The following RP1 variants were observed in gnomAD, a reference collection of about 807,000 sequenced individuals.
The protein encoded by RP1 is RP1 axonemal microtubule associated, also known as oxygen-regulated protein 1.
In RP1, 16 loss-of-function variants were observed where a neutral mutation model predicts 14.8. That is an observed-to-expected ratio of 1.08 (90% CI 0.73 to 1.65). The LOEUF (loss-of-function observed/expected upper bound fraction) is 1.65. Ranked by LOEUF, RP1 falls within the 40% of genes most tolerant of loss-of-function variation. RP1 has a pLI of 0.00. For missense variants in RP1, 2,631 were observed against 2,535.0 expected, an observed-to-expected ratio of 1.04 and a Z score of -0.81; for synonymous variants, 876 against 883.6, an observed-to-expected ratio of 0.99 and a Z score of 0.15.
intron 19 of RP1, among the ~76,000 whole-genome samples, chr8:54,745,093 C>A (rs764437128): frequency 2.0e-5 from 3 of 152,130 alleles, no homozygotes; most frequent in Non-Finnish European, 4.4e-5. Flanking sequence ...TTCTGTTGGT[C>A]GTTTGAGCAT....
intron 5 of RP1, among the ~76,000 whole-genome samples, chr8:54,653,613 T>C (rs1215272148): frequency 4.6e-5 from 7 of 152,178 alleles, no homozygotes; most frequent in Non-Finnish European, 1.0e-4. Context: ...ATTAAAAAAT[T>C]CCATTAGCAG....
chr8:54,869,951 A>T (rs1051521621), exon 29 of RP1: 1 of 1,193,474 alleles, frequency 8.4e-7, no homozygotes, highest in Non-Finnish European at 1.0e-6. Flanking sequence ...GAAAGGGCCC[A>T]CTTGGGCCTG....
intron 1 of RP1, among the ~76,000 whole-genome samples, chr8:54,582,004 T>A (rs138909396): frequency 6.6e-6 from 1 of 151,992 alleles, no homozygotes; most frequent in South Asian, 2.1e-4. Context: ...CTCTTTAGTT[T>A]AATTAGATCC....
At chr8:54,755,090 G>A (rs1166459057) in intron 20 of RP1, among the ~76,000 whole-genome samples, 1 of 152,158 alleles carries the variant, frequency 6.6e-6, no homozygotes, top group African/African-American at 2.4e-5. Flanking sequence ...GTCACAGCAT[G>A]AGTTGCTGGT....
At chr8:54,747,629 A>G (rs1809259135) in intron 19 of RP1, among the ~76,000 whole-genome samples, 1 of 152,238 alleles carries the variant, frequency 6.6e-6, no homozygotes. Context: ...GGCTGGGTGC[A>G]TTGGCTCATG....
chr8:54,621,395 C>T lies in RP1; in HGVS notation c.429C>T (p.Ala143=). ...ISAHSPPHPV[A]VAAPGMPRPP... ...CGCACTCACCGCCCCACCCCGTAGC[C>T]GTCGCTGCTCCCGGCATGCCCCGCC... Residue 143 remains alanine, a synonymous_variant, in exon 2 of 4, where the codon GCC becomes GCT. Coordinates refer to ENST00000220676, the MANE Select transcript of RP1 (RefSeq NM_006269.2). The T allele has an allele frequency of 6.2e-7, 1 of 1,613,108 alleles. No homozygotes were observed. Among genetic ancestry groups the T allele is most frequent in the Non-Finnish European group, 8.5e-7 (1 of 1,179,894 alleles).
rs267601947 is a variant in RP1 at position 54,621,464 on chromosome 8, G to T, written c.498G>T (p.Thr166=). 6.8e-6 allele frequency: 11 copies of T among 1,614,004 alleles called. No homozygotes were observed. Among genetic ancestry groups the T allele is most frequent in the East Asian group, 2.2e-5 (1 of 44,856 alleles). The part of the protein sequence containing the change: ...LVVFRNGDPK[T]RRAVLLSRRV... ...TCTTCAGGAATGGCGACCCGAAGAC[G>T]AGGCGTGCGGTTCTTCTGAGCAGGA... Residue 166 remains threonine (T), a synonymous_variant, in exon 2 of 4, where the codon ACG becomes ACT. Transcript: ENST00000220676.
At chr8:54,678,247 G>A (rs140697391) in intron 8 of RP1, among the ~76,000 whole-genome samples, 196 of 152,226 alleles carry the variant, frequency 1.3e-3, no homozygotes, top group African/African-American at 4.5e-3. Context: ...AAGGCATGAA[G>A]CCTTAAAATA....
At chr8:54,611,916 T>G (rs772472203), upstream of RP1, among the ~76,000 whole-genome samples, 2 of 137,272 alleles carry the variant, frequency 1.5e-5, no homozygotes, top group Non-Finnish European at 3.1e-5. Context: ...TTCCTTCCTA[T>G]TCCCCCCTGC....
upstream of RP1, among the ~76,000 whole-genome samples, chr8:54,611,244 A>G (rs1206629201): frequency 1.3e-5 from 2 of 152,130 alleles, no homozygotes; most frequent in African/African-American, 2.4e-5. Context: ...ATTTCATCCA[A>G]CTTGGGAAAA....
intron 24 of RP1, among the ~76,000 whole-genome samples, chr8:54,787,264 C>A (rs721594): frequency 6.6e-6 from 1 of 152,058 alleles, no homozygotes; most frequent in Non-Finnish European, 1.5e-5. Flanking sequence ...ATGTCCATTA[C>A]GGCAGAAAGT....
At chr8:54,723,099 A>G (rs959217971) in intron 16 of RP1, among the ~76,000 whole-genome samples, 1 of 152,176 alleles carries the variant, frequency 6.6e-6, no homozygotes, top group Non-Finnish European at 1.5e-5. Context: ...TGCCAGTGGT[A>G]TGCTTTCACA....
chr8:54,750,200 C>T (rs1359122004), intron 19 of RP1, among the ~76,000 whole-genome samples: 1 of 152,196 alleles, frequency 6.6e-6, no homozygotes, highest in Non-Finnish European at 1.5e-5. Context: ...TTCTGATCTC[C>T]AATCTCTGAG....
intron 24 of RP1, among the ~76,000 whole-genome samples, chr8:54,835,523 A>T (rs758147907): frequency 6.6e-6 from 1 of 152,122 alleles, no homozygotes; most frequent in Non-Finnish European, 1.5e-5. Flanking sequence ...GAGTGCTTGG[A>T]CCCATTTTCT....
At position 54,629,736 on chromosome 8, in the gene RP1, T is replaced by A. The variant is rs775087758; in HGVS notation, c.5854T>A (p.Trp1952Arg). Residue 1952 changes from tryptophan (W) to arginine (R), a missense_variant, in exon 4 of 4, where the codon TGG becomes AGG. Transcript: ENST00000220676. ...TGAAAATTTCTTGGGTTTTTATTTA[T>A]GGATGAAAATACACCCATATTTACT... ...DIENFLGFYL[W>R]MKIHPYLLQT... 1.9e-6 allele frequency: 3 copies of A among 1,611,436 alleles called. No individual in the cohort carries two copies. The African/African-American group carries it at 4.0e-5, about 22-fold the overall frequency.
chr8:54,696,085 C>A (rs193092919), intron 12 of RP1, among the ~76,000 whole-genome samples: 3 of 152,038 alleles, frequency 2.0e-5, no homozygotes, highest in South Asian at 2.1e-4. Context: ...CTGCATCAGA[C>A]CTTATTCTTA....
At chr8:54,566,801 C>T (rs974865796) in intron 1 of RP1, among the ~76,000 whole-genome samples, 4 of 152,230 alleles carry the variant, frequency 2.6e-5, no homozygotes, top group African/African-American at 7.2e-5. Flanking sequence ...ATATTTAATG[C>T]TTACAGATTA....
At chr8:54,766,549 G>A (rs1348568110) in intron 22 of RP1, among the ~76,000 whole-genome samples, 1 of 152,100 alleles carries the variant, frequency 6.6e-6, no homozygotes, top group Non-Finnish European at 1.5e-5. Flanking sequence ...ATTTTTTGGG[G>A]ATGGGGGTGG....
chr8:54,718,302 C>T (rs1181079616), intron 15 of RP1, among the ~76,000 whole-genome samples: 2 of 152,058 alleles, frequency 1.3e-5, no homozygotes, highest in African/African-American at 4.8e-5. Context: ...CTGAAACTAC[C>T]TACATTTAAG....
Sources: allele counts gnomAD v4.1 joint callset (sites outside exome capture counted in the v4.1 genomes callset), GRCh38; gene constraint gnomAD v4.1.1; transcripts MANE v1.5; gene names NCBI Gene and HGNC (gene_info 2026-07-23, HGNC 2026-07-21).